MYO1B: variants seen among roughly 807,000 people sequenced by gnomAD.
MYO1B encodes the protein unconventional myosin-Ib.
In MYO1B, 72 loss-of-function variants were observed where a neutral mutation model predicts 159.7. That is an observed-to-expected ratio of 0.45 (90% CI 0.37 to 0.55). The LOEUF is 0.55. Ranked by LOEUF, MYO1B falls within the 20% of genes least tolerant of loss-of-function variation. The pLI is 0.00. For synonymous variants in MYO1B, 468 were observed against 473.8 expected, an observed-to-expected ratio of 0.99 and a Z score of 0.16; for missense variants, 1,062 against 1,364.8, an observed-to-expected ratio of 0.78 and a Z score of 3.50.
At chr2:191,298,287 G>A (rs1163590155) in intron 3 of MYO1B, among the ~76,000 whole-genome samples, 1 of 152,174 alleles carries the variant, frequency 6.6e-6, no homozygotes, top group Admixed American at 6.5e-5. Flanking sequence ...AGTAGATATT[G>A]CAAGTGTTCT....
intron 24 of MYO1B, among the ~76,000 whole-genome samples, chr2:191,404,918 G>A (rs1399071706): frequency 6.6e-6 from 1 of 152,174 alleles, no homozygotes; most frequent in Non-Finnish European, 1.5e-5. Context: ...GGTTGTGGTG[G>A]CTGTGGCAAT....
At chr2:191,397,095 C>T (rs542242918) in intron 21 of MYO1B, among the ~76,000 whole-genome samples, 6 of 80,082 alleles carry the variant, frequency 7.5e-5, no homozygotes, top group African/African-American at 1.5e-4. Flanking sequence ...TATTTTTAAC[C>T]GTTGTTTTTA....
At chr2:191,390,788 T>C (rs1157548315) in intron 18 of MYO1B, among the ~76,000 whole-genome samples, 1 of 152,178 alleles carries the variant, frequency 6.6e-6, no homozygotes, top group Non-Finnish European at 1.5e-5. Context: ...CATAGAAGGG[T>C]AGAATTAGAG....
intron 11 of MYO1B, among the ~76,000 whole-genome samples, chr2:191,367,817 A>G (rs1300613764): frequency 6.6e-6 from 1 of 152,252 alleles, no homozygotes; most frequent in Non-Finnish European, 1.5e-5. Flanking sequence ...GACGAAAAGG[A>G]TACTTCAGAA....
chr2:191,332,675 A>C (rs1691568577), intron 4 of MYO1B, among the ~76,000 whole-genome samples: 1 of 152,202 alleles, frequency 6.6e-6, no homozygotes, highest in Non-Finnish European at 1.5e-5. Context: ...GAACACGGAA[A>C]CATTAAGCAA....
Position 191,358,886 on chromosome 2 carries a change from G to C in MYO1B, c.563-1745G>C, listed in dbSNP as rs186191448. Among the ~76,000 whole-genome samples the C allele has an allele frequency of 5.3e-5, 8 of 152,362 alleles. No individual in the cohort carries two copies. The East Asian group carries it at 1.5e-3, about 29-fold the overall frequency. ...CAAGTGGAAGGTCATCACGTGTCCA[G>C]CTGGTGCTAAACTTCTTCCCAAATC... On this transcript the variant is annotated intron_variant, in intron 7 of 30. Coordinates refer to ENST00000392318, the MANE Select transcript of MYO1B (RefSeq NM_001130158.3).
intron 7 of MYO1B, among the ~76,000 whole-genome samples, chr2:191,358,429 G>A (rs988340138): frequency 1.3e-5 from 2 of 152,162 alleles, no homozygotes; most frequent in Non-Finnish European, 2.9e-5. Context: ...TGCAGTTTAC[G>A]AAGTACACTT....
In MYO1B at chr2:191,414,324, G is replaced by A. The variant is rs1697431120; in HGVS notation, c.3006+144G>A. ...CTATTTCCCCTTACCTTTAAGCTTA[G>A]GTGGAATTTTGCTTGTTCTCTGACA... On this transcript the variant is annotated intron_variant, in intron 28 of 30. Coordinates refer to ENST00000392318, the MANE Select transcript of MYO1B (RefSeq NM_001130158.3). The A allele has an allele frequency of 4.3e-6, 5 of 1,165,322 alleles. No individual in the cohort carries two copies. In the African/African-American group the frequency reaches 7.9e-5, roughly 18 times the overall value. The allele number at this position is 1,165,322 out of a possible 1,614,324, so 72.2% of individuals were successfully genotyped here.
intron 7 of MYO1B, among the ~76,000 whole-genome samples, chr2:191,360,138 G>T (rs1197437674): frequency 6.6e-6 from 1 of 152,122 alleles, no homozygotes; most frequent in Non-Finnish European, 1.5e-5. Context: ...TAAACTCCTG[G>T]ACTATCAGTG....
chr2:191,405,908 C>G (rs924936417), intron 24 of MYO1B, among the ~76,000 whole-genome samples: 3 of 152,244 alleles, frequency 2.0e-5, no homozygotes, highest in Admixed American at 2.0e-4. Flanking sequence ...TATTCTTTAA[C>G]AAGAGAATCA....
intron 1 of MYO1B, among the ~76,000 whole-genome samples, chr2:191,255,901 A>AAGGTC (rs1405863482): frequency 1.3e-5 from 2 of 152,190 alleles, no homozygotes; most frequent in Middle Eastern, 3.4e-3. Context: ...GGGGTCCTTT[A>AAGGTC]AGGTCAGGTC....
At chr2:191,408,374 A>C (rs1289077294) in intron 25 of MYO1B, among the ~76,000 whole-genome samples, 185 bp downstream of exon 25, 1 of 152,244 alleles carries the variant, frequency 6.6e-6, no homozygotes, top group Non-Finnish European at 1.5e-5. Flanking sequence ...ATTCTGGTAG[A>C]ATTGTGTCAG....
chr2:191,336,212 C>T (rs1451417028), intron 4 of MYO1B, among the ~76,000 whole-genome samples: 1 of 152,158 alleles, frequency 6.6e-6, no homozygotes, highest in Non-Finnish European at 1.5e-5. Context: ...AGGAACTCTT[C>T]AGCCATCTGC....
At chr2:191,362,627 G>T (rs1402169523) in intron 9 of MYO1B, among the ~76,000 whole-genome samples, 2 of 151,900 alleles carry the variant, frequency 1.3e-5, no homozygotes, top group Non-Finnish European at 2.9e-5. Flanking sequence ...TATTATCCTG[G>T]GGTTTGACTC....
chr2:191,391,972 T>G (rs1695781408), intron 18 of MYO1B, 136 bp from the exon 19 acceptor site: 1 of 561,290 alleles, frequency 1.8e-6, no homozygotes, highest in African/African-American at 1.9e-5. Context: ...CTTTGATAAA[T>G]GGATGATTGC....
intron 3 of MYO1B, among the ~76,000 whole-genome samples, chr2:191,324,980 G>T (rs558200972): frequency 6.6e-6 from 1 of 152,104 alleles, no homozygotes; most frequent in Non-Finnish European, 1.5e-5. Flanking sequence ...GAAGGCCAAC[G>T]TAGTGCCTCT....
intron 27 of MYO1B, among the ~76,000 whole-genome samples, chr2:191,412,764 G>T (rs1204250103): frequency 7.2e-5 from 11 of 152,170 alleles, no homozygotes; most frequent in Admixed American, 7.2e-4. Context: ...TCCTGAAAGA[G>T]TCCCCCGACA....
chr2:191,316,919 T>A (rs1012862411), intron 3 of MYO1B, among the ~76,000 whole-genome samples: 2 of 152,224 alleles, frequency 1.3e-5, no homozygotes, highest in African/African-American at 4.8e-5. Context: ...TCTTTGAAGA[T>A]GTATTCATTG....
chr2:191,297,039 C>A (rs1468158789), intron 3 of MYO1B, among the ~76,000 whole-genome samples: 1 of 152,126 alleles, frequency 6.6e-6, no homozygotes, highest in Admixed American at 6.6e-5. Context: ...ACAAACAATA[C>A]CTTAAACTTT....
Sources: allele counts gnomAD v4.1 joint callset (sites outside exome capture counted in the v4.1 genomes callset), GRCh38; gene constraint gnomAD v4.1.1; transcripts MANE v1.5; gene names NCBI Gene and HGNC (gene_info 2026-07-23, HGNC 2026-07-21).